Variants in TMEM132C observed in about 807,000 individuals in gnomAD.
TMEM132C encodes transmembrane protein 132C.
TMEM132C carries 29 observed loss-of-function variants against 61.4 expected under a neutral mutation model. The observed-to-expected ratio is 0.47, with a 90% confidence interval of 0.35 to 0.64. The LOEUF (loss-of-function observed/expected upper bound fraction) is 0.64, where lower values mean the gene tolerates loss of function less well. Ranked by LOEUF, TMEM132C falls within the 30% of genes least tolerant of loss-of-function variation. The pLI is 0.00. For synonymous variants in TMEM132C, 656 were observed against 633.1 expected, an observed-to-expected ratio of 1.04 and a Z score of -0.54; for missense variants, 1,408 against 1,476.9, an observed-to-expected ratio of 0.95 and a Z score of 0.76.
At chr12:128,444,592 C>T (rs927774292) in intron 2 of TMEM132C, among the ~76,000 whole-genome samples, 4 of 152,180 alleles carry the variant, frequency 2.6e-5, no homozygotes, top group African/African-American at 9.7e-5. Context: ...ATGTGTGTAG[C>T]AAATGTGGGC....
intron 2 of TMEM132C, among the ~76,000 whole-genome samples, chr12:128,489,260 C>T (rs544314695): frequency 9.2e-5 from 14 of 152,050 alleles, no homozygotes; most frequent in East Asian, 5.8e-4. Flanking sequence ...AACTACTAAG[C>T]GGTGTTACAG....
At chr12:128,543,421 A>G (rs1873830577) in intron 2 of TMEM132C, among the ~76,000 whole-genome samples, 1 of 152,174 alleles carries the variant, frequency 6.6e-6, no homozygotes, top group Non-Finnish European at 1.5e-5. Flanking sequence ...AAACTGGGGT[A>G]TGAACCCAGG....
At chr12:128,549,021 G>A (rs1435054292) in intron 3 of TMEM132C, among the ~76,000 whole-genome samples, 3 of 152,142 alleles carry the variant, frequency 2.0e-5, no homozygotes, top group African/African-American at 7.2e-5. Flanking sequence ...GGTAACAAGG[G>A]GAAACTGTCC....
intron 1 of TMEM132C, among the ~76,000 whole-genome samples, chr12:128,362,535 T>C (rs1024660779): frequency 6.6e-6 from 1 of 152,192 alleles, no homozygotes; most frequent in Admixed American, 6.5e-5. Context: ...ACAGGTTGAG[T>C]ATACCTTATC....
At chr12:128,577,297 G>A (rs183743994) in intron 3 of TMEM132C, among the ~76,000 whole-genome samples, 1 of 152,246 alleles carries the variant, frequency 6.6e-6, no homozygotes, top group East Asian at 1.9e-4. Context: ...CCATTGTATG[G>A]GTACACCACA....
chr12:128,339,655 C>T (rs1872894614), intron 1 of TMEM132C, among the ~76,000 whole-genome samples: 1 of 150,740 alleles, frequency 6.6e-6, no homozygotes, highest in Non-Finnish European at 1.5e-5. Flanking sequence ...CCCATCACTC[C>T]CCAAGTCCCA....
intron 5 of TMEM132C, among the ~76,000 whole-genome samples, chr12:128,686,083 G>A (rs1445645040): frequency 6.6e-6 from 1 of 150,854 alleles, no homozygotes; most frequent in South Asian, 2.1e-4. Context: ...GTGTGCGCAT[G>A]TGTGTTGTGT....
intron 3 of TMEM132C, among the ~76,000 whole-genome samples, chr12:128,602,884 T>C (rs1193691740): frequency 1.3e-5 from 2 of 152,244 alleles, no homozygotes; most frequent in Non-Finnish European, 2.9e-5. Flanking sequence ...GAGGAGACTT[T>C]ATGATCACTT....
chr12:128,329,275 C>T (rs1410539820), intron 1 of TMEM132C, among the ~76,000 whole-genome samples: 2 of 151,898 alleles, frequency 1.3e-5, no homozygotes, highest in African/African-American at 4.8e-5. Context: ...GATTTTTTTT[C>T]TTTCTGTTTA....
chr12:128,673,224 G>C (rs113462484), intron 5 of TMEM132C, among the ~76,000 whole-genome samples: 2 of 152,164 alleles, frequency 1.3e-5, no homozygotes, highest in African/African-American at 2.4e-5. Flanking sequence ...CTTCAATGAG[G>C]GTGGAGCCCC....
chr12:128,461,222 C>T (rs573769382), intron 2 of TMEM132C, among the ~76,000 whole-genome samples: 16 of 152,252 alleles, frequency 1.1e-4, no homozygotes, highest in Non-Finnish European at 2.4e-4. Flanking sequence ...TCTACATGTT[C>T]TGATTCTCTT....
At chr12:128,501,060 C>T (rs561706245) in intron 2 of TMEM132C, among the ~76,000 whole-genome samples, 2 of 152,294 alleles carry the variant, frequency 1.3e-5, no homozygotes, top group Non-Finnish European at 2.9e-5. Context: ...CAAAAACATG[C>T]TACGTGCAAT....
rs1223805238 is a variant in TMEM132C, at chr12:128,705,922, G to C, written c.2954G>C (p.Gly985Ala). 6.4e-7 allele frequency: 1 copy of C among 1,551,468 alleles called. No homozygotes were observed. Among genetic ancestry groups the C allele is most frequent in the South Asian group, 1.2e-5 (1 of 84,054 alleles). Residue 985 changes from glycine to alanine, a missense_variant, in exon 9 of 9, where the codon GGG (glycine) becomes GCG (alanine). Transcript: ENST00000435159. ...GNEAELLESMGDAPPPQDEHT... is the reference protein window; with the variant it reads ...GNEAELLESMADAPPPQDEHT... The stretch of plus-strand genomic sequence containing the variant: ...GAGGCCGAACTCCTGGAGAGCATGG[G>C]GGATGCGCCGCCGCCCCAGGACGAG...
chr12:128,492,608 T>C (rs1470451820), intron 2 of TMEM132C, among the ~76,000 whole-genome samples: 3 of 152,224 alleles, frequency 2.0e-5, no homozygotes, highest in Non-Finnish European at 1.5e-5. Context: ...CCAGTGATGA[T>C]GAGCATTTTT....
chr12:128,399,475 A>G (rs1466867500), intron 1 of TMEM132C, among the ~76,000 whole-genome samples: 1 of 152,216 alleles, frequency 6.6e-6, no homozygotes, highest in Non-Finnish European at 1.5e-5. Context: ...ACATATTTAA[A>G]TTCTGCTGTA....
At position 128,267,585 on chromosome 12, in the gene TMEM132C, G is replaced by A. The variant is rs371983138; in HGVS notation, c.85+98G>A. On this transcript the variant is annotated intron_variant, in intron 1 of 8. Coordinates refer to ENST00000435159, the MANE Select transcript of TMEM132C (RefSeq NM_001136103.3). ...GCAGCCGAAGCGAGGGGTGCGGCGG[G>A]GGCCTCGGCGGGGGCTCGGATCCCA... is the stretch of plus-strand genomic sequence containing the variant. 1.3e-4 allele frequency: 132 copies of A among 982,430 alleles called. No individual in the cohort carries two copies. In the African/African-American group the frequency reaches 1.9e-3, roughly 14 times the overall value. The allele number at this position is 982,430 out of a possible 1,614,324, so 60.9% of individuals were successfully genotyped here.
At position 128,569,945 on chromosome 12, in the gene TMEM132C, C is replaced by T. The variant is rs544617134; in HGVS notation, c.1121+25842C>T. Among the ~76,000 whole-genome samples the T allele has an allele frequency of 2.0e-3, 311 of 152,334 alleles. 1 individual carries two copies. Among genetic ancestry groups the T allele is most frequent in the Non-Finnish European group, 3.1e-3 (210 of 68,022 alleles). On this transcript the variant is annotated intron_variant, in intron 3 of 8. Coordinates refer to ENST00000435159, the MANE Select transcript of TMEM132C (RefSeq NM_001136103.3). Reference sequence around the variant, plus strand: ...GATACATTGAAGTCTCTTCTGGTCTCCAAGCCCCTGGATTCTTTCTTTCTT... The same window carrying T: ...GATACATTGAAGTCTCTTCTGGTCTTCAAGCCCCTGGATTCTTTCTTTCTT...
Position 128,616,177 on chromosome 12 carries a change from G to T in TMEM132C, c.1147G>T (p.Val383Leu). ...GAGCAGCAGTTTATTCAATGAGGTTGTGCAGATGAACTTTGAAATAGCCAG... is the reference window on the plus strand; with the variant it reads ...GAGCAGCAGTTTATTCAATGAGGTTTTGCAGATGAACTTTGAAATAGCCAG... ...NRSSSLFNEV[V>L]QMNFEIASFS... Residue 383 changes from valine to leucine, a missense_variant, in exon 4 of 9, where the codon GTG becomes TTG. By Grantham distance (32) the Val-to-Leu change is conservative (BLOSUM62 1). Transcript: ENST00000435159. 1.3e-6 allele frequency: 2 copies of T among 1,551,758 alleles called. No individual in the cohort carries two copies. Among genetic ancestry groups the T allele is most frequent in the Non-Finnish European group, 1.7e-6 (2 of 1,146,990 alleles).
At chr12:128,506,601 T>C (rs1420416937) in intron 2 of TMEM132C, among the ~76,000 whole-genome samples, 1 of 152,106 alleles carries the variant, frequency 6.6e-6, no homozygotes, top group Non-Finnish European at 1.5e-5. Flanking sequence ...CCATTGTGGG[T>C]AGGTTTCATG....
Sources: allele counts gnomAD v4.1 joint callset (sites outside exome capture counted in the v4.1 genomes callset), GRCh38; gene constraint gnomAD v4.1.1; transcripts MANE v1.5; gene names NCBI Gene and HGNC (gene_info 2026-07-23, HGNC 2026-07-21).